The following XYLT2 variants were observed in gnomAD, a reference collection of about 807,000 sequenced individuals.
XYLT2 encodes UDP-D-xylose:proteoglycan core protein beta-D-xylosyltransferase.
In XYLT2, 37 loss-of-function variants were observed where a neutral mutation model predicts 82.6. The observed-to-expected ratio is 0.45, with a 90% CI of 0.34 to 0.59. The LOEUF (loss-of-function observed/expected upper bound fraction) is 0.59. XYLT2 is among the 20% of genes least tolerant of loss of function. XYLT2 has a pLI of 0.01. For missense variants in XYLT2, 934 were observed against 1,181.3 expected, an observed-to-expected ratio of 0.79 and a Z score of 3.07; for synonymous variants, 474 against 499.0, an observed-to-expected ratio of 0.95 and a Z score of 0.67.
At chr17:50,357,470 AG>A (rs1339278306) in intron 9 of XYLT2, 28 of 515,176 alleles carry the variant, frequency 5.4e-5, no homozygotes, top group Non-Finnish European at 9.5e-5. Context: ...GGGAGCAGGG[AG>A]GGAATTATCA....
chr17:50,354,507 GCGCCATC>G lies in XYLT2; in HGVS notation c.734_740del (p.Ile245SerfsTer2), dbSNP rs767947754. On this transcript the variant is annotated frameshift_variant, in exon 3 of 11. Transcript: ENST00000017003. LOFTEE classifies it high-confidence loss of function. ...GCCTACATGCTGGTGGTTCACGGCC[GCGCCATC>G]CGCCAGCTGAAGCGTCTCCTCAAGG... 6.2e-7 allele frequency: 1 copy of G among 1,613,326 alleles called. No homozygotes were observed.
chr17:50,350,164 C>T (rs8076971), intron 1 of XYLT2, among the ~76,000 whole-genome samples: 1,647 of 30,884 alleles, frequency 0.053, 38 homozygotes, highest in East Asian at 0.32. Context: ...GCCTGGGCGA[C>T]AGAGTGAGAC....
rs1567806230 is a variant in XYLT2, at chr17:50,354,579, A to T, written c.800A>T (p.Asp267Val). Reference protein sequence around the residue: ...HEQHFFYIHVDKRSDYLHREV... With the variant: ...HEQHFFYIHVVKRSDYLHREV... ...CAGCACTTCTTTTACATCCATGTGG[A>T]CAAGGTACTGTGGTGGGGAGAGGCC... The change falls in exon 3 of 11, where the codon GAC becomes GTC. Residue 267 changes from aspartate to valine, a missense_variant. Physicochemically the swap from Asp to Val is radical, Grantham distance 152. Coordinates refer to ENST00000017003, the MANE Select transcript of XYLT2 (RefSeq NM_022167.4). 6.2e-7 allele frequency: 1 copy of T among 1,607,626 alleles called. No homozygotes were observed. The highest frequency in any genetic ancestry group is 8.5e-7 in the Non-Finnish European group (1 of 1,177,172).
Position 50,358,555 on chromosome 17 carries a change from C to A in XYLT2, c.2275+15C>A. The A allele has an allele frequency of 6.3e-7, 1 of 1,599,016 alleles. No homozygotes were observed. Among genetic ancestry groups the A allele is most frequent in the Non-Finnish European group, 8.5e-7 (1 of 1,170,364 alleles). On this transcript the variant is annotated intron_variant, in intron 10 of 10. Coordinates refer to ENST00000017003, the MANE Select transcript of XYLT2 (RefSeq NM_022167.4). ...TCTCAGGAAAGGTAAGCGTGCAGTT[C>A]TCAAATGAGGCCCAGAAGCCAGACA...
chr17:50,358,800 G>A (rs898910508), intron 10 of XYLT2, among the ~76,000 whole-genome samples: 1 of 152,252 alleles, frequency 6.6e-6, no homozygotes, highest in African/African-American at 2.4e-5. Flanking sequence ...GTCCTTGGAA[G>A]TTACCTGGCC....
At chr17:50,354,239 C>A in intron 2 of XYLT2, 117 bp downstream of exon 2, 2 of 1,536,224 alleles carry the variant, frequency 1.3e-6, no homozygotes, top group African/African-American at 1.4e-5. Context: ...ACCTCCCTGC[C>A]TAAGTCTTCA....
At chr17:50,356,487 C>T in intron 7 of XYLT2, 24 bp from the exon 8 acceptor site, 2 of 1,611,072 alleles carry the variant, frequency 1.2e-6, no homozygotes, top group Non-Finnish European at 1.7e-6. Context: ...GAGCCCTTCA[C>T]CCTCCTTGCC....
At chr17:50,354,224 A>C in intron 2 of XYLT2, 102 bp downstream of exon 2, 10 of 1,556,344 alleles carry the variant, frequency 6.4e-6, no homozygotes, top group Non-Finnish European at 8.6e-6. Context: ...AGCCAAGGGG[A>C]TCCTACCTCC....
At chr17:50,350,605 A>T (rs1006698633) in intron 1 of XYLT2, among the ~76,000 whole-genome samples, 2 of 151,930 alleles carry the variant, frequency 1.3e-5, no homozygotes, top group African/African-American at 4.8e-5. Context: ...ACAGCCAGAC[A>T]CTCTCCTAGG....
intron 1 of XYLT2, among the ~76,000 whole-genome samples, chr17:50,351,886 C>T (rs984013765): frequency 6.6e-6 from 1 of 152,216 alleles, no homozygotes; most frequent in African/African-American, 2.4e-5. Context: ...GGATGGAGTT[C>T]AGAAACCCAG....
At chr17:50,353,467 A>G (rs72832452) in intron 1 of XYLT2, among the ~76,000 whole-genome samples, 163 bp from the exon 2 acceptor site, 3,150 of 152,200 alleles carry the variant, frequency 0.021, 54 homozygotes, top group Middle Eastern at 0.054. Context: ...AGGTGCTCCC[A>G]TGGTGGTACT....
In XYLT2 at chr17:50,360,946, A is replaced by C. The variant is rs541042869; in HGVS notation, c.*655A>C. 2 of 985,944 alleles carry C rather than the reference A, an allele frequency of 2.0e-6. No homozygotes were observed. The highest frequency in any genetic ancestry group is 2.4e-6 in the Non-Finnish European group (2 of 830,024). The allele number at this position is 985,944 out of a possible 1,614,324, so 61.1% of individuals were successfully genotyped here. A position where few individuals can be genotyped will look rare whatever the true frequency, so the allele number is the denominator to read the frequency against. On this transcript the variant is annotated 3_prime_UTR_variant, in exon 11 of 11. Coordinates refer to ENST00000017003, the MANE Select transcript of XYLT2 (RefSeq NM_022167.4). ...TGGGGCGGCTCCAGGGCTTTCCAGCATACCCTGCCCCTGGATGGGAAAGGC... is the reference window on the plus strand; with the variant it reads ...TGGGGCGGCTCCAGGGCTTTCCAGCCTACCCTGCCCCTGGATGGGAAAGGC...
intron 9 of XYLT2, chr17:50,357,856 A>G: frequency 4.1e-6 from 1 of 243,080 alleles, no homozygotes; most frequent in Non-Finnish European, 8.0e-6. Flanking sequence ...CTGGGAATAC[A>G]AGCGCAAGCC....
At chr17:50,347,006 G>C (rs1912070214) in intron 1 of XYLT2, 4 of 910,926 alleles carry the variant, frequency 4.4e-6, no homozygotes, top group Non-Finnish European at 5.2e-6. Flanking sequence ...GACTGTAACA[G>C]AGCCCCAGCC....
chr17:50,351,312 G>A (rs1912260054), intron 1 of XYLT2, among the ~76,000 whole-genome samples: 1 of 152,184 alleles, frequency 6.6e-6, no homozygotes, highest in Non-Finnish European at 1.5e-5. Context: ...TACTGATGGA[G>A]TGGATGTGGG....
At position 50,346,196 on chromosome 17, in the gene XYLT2, C is replaced by A; in HGVS notation, c.56C>A (p.Ala19Asp). 1 of 1,294,154 alleles carries A rather than the reference C, an allele frequency of 7.7e-7. No individual in the cohort carries two copies. 80.2% of individuals were successfully genotyped at this position (1,294,154 alleles called of 1,614,324 possible). A position where few individuals can be genotyped will look rare whatever the true frequency, so the allele number is the denominator to read the frequency against. ...KLVRRYKLAIATALAILLLQG... is the reference protein window; with the variant it reads ...KLVRRYKLAIDTALAILLLQG... ...GTGCGGCGCTACAAGCTGGCGATTG[C>A]CACGGCGCTGGCCATCCTGCTGCTG... is the stretch of plus-strand genomic sequence containing the variant. Residue 19 changes from alanine (A) to aspartate (D), a missense_variant, in exon 1 of 11, where the codon GCC becomes GAC. Transcript: ENST00000017003. This position sits in a 1 kb window ranked among gnomAD's most constrained non-coding sequence, Gnocchi z 5.1.
In XYLT2 at chr17:50,346,883, T is replaced by G. The variant is rs1352771348; in HGVS notation, c.135+608T>G. The G allele has an allele frequency of 1.0e-6, 1 of 985,320 alleles. No homozygotes were observed. The highest frequency in any genetic ancestry group is 1.7e-5 in the African/African-American group (1 of 57,316). The allele number at this position is 985,320 out of a possible 1,614,324, so 61.0% of individuals were successfully genotyped here. ...AGGTGTGGCTTCCTCAGCCGGGGGT[T>G]TGAAGAACCTGGATGGGTCTCCGGA... On this transcript the variant is annotated intron_variant, in intron 1 of 10. Coordinates refer to ENST00000017003, the MANE Select transcript of XYLT2 (RefSeq NM_022167.4). This position sits in a 1 kb window ranked among gnomAD's most constrained non-coding sequence, Gnocchi z 5.1.
intron 9 of XYLT2, chr17:50,357,510 C>A: frequency 2.3e-6 from 1 of 431,258 alleles, no homozygotes; most frequent in Non-Finnish European, 4.1e-6. Context: ...CCCAATCTTC[C>A]AGACTACAGA....
Position 50,355,384 on chromosome 17 carries a change from G to A in XYLT2, c.1008-117G>A, listed in dbSNP as rs537187664. ...CTCACCACCCCAGACATCAGCCAGGGGTAGGGCACATGGCCAGCCAGCAAT... is the reference window on the plus strand; with the variant it reads ...CTCACCACCCCAGACATCAGCCAGGAGTAGGGCACATGGCCAGCCAGCAAT... On this transcript the variant is annotated intron_variant, in intron 4 of 10. Coordinates refer to ENST00000017003, the MANE Select transcript of XYLT2 (RefSeq NM_022167.4). 344 of 1,114,678 alleles carry A rather than the reference G, an allele frequency of 3.1e-4. 2 individuals carry two copies. In the African/African-American group the frequency reaches 4.8e-3, roughly 16 times the overall value. The allele number at this position is 1,114,678 out of a possible 1,614,324, so 69.0% of individuals were successfully genotyped here.
Sources: allele counts gnomAD v4.1 joint callset (sites outside exome capture counted in the v4.1 genomes callset), GRCh38; gene constraint gnomAD v4.1.1; non-coding constraint Gnocchi (gnomAD v3.1); transcripts MANE v1.5; gene names NCBI Gene and HGNC (gene_info 2026-07-23, HGNC 2026-07-21).